PARD3B: variants seen among roughly 807,000 people sequenced by gnomAD.
PARD3B encodes partitioning defective 3 homolog B.
In PARD3B, 103 loss-of-function variants were observed where a neutral mutation model predicts 130.2. That is an observed-to-expected ratio of 0.79 (90% CI 0.67 to 0.93). The LOEUF (loss-of-function observed/expected upper bound fraction) is 0.93, where lower values mean the gene tolerates loss of function less well. Among genes scored for constraint, PARD3B ranks in the 40% least tolerant of loss-of-function variants. The pLI, the probability that PARD3B is intolerant of heterozygous loss-of-function variation, is 0.00. For synonymous variants in PARD3B, 583 were observed against 553.2 expected, an observed-to-expected ratio of 1.05 and a Z score of -0.76; for missense variants, 1,609 against 1,499.2, an observed-to-expected ratio of 1.07 and a Z score of -1.21.
intron 2 of PARD3B, among the ~76,000 whole-genome samples, chr2:204,748,494 G>C (rs7598395): frequency 0.66 from 100,525 of 151,912 alleles, 34,847 homozygotes; most frequent in East Asian, 0.86. Context: ...AGAAACGATT[G>C]TGGAATTTTT....
At chr2:204,612,049 C>T (rs754487515) in intron 1 of PARD3B, among the ~76,000 whole-genome samples, 1 of 152,194 alleles carries the variant, frequency 6.6e-6, no homozygotes, top group East Asian at 1.9e-4. Flanking sequence ...CATTTCTACA[C>T]AGATGTCATA....
chr2:205,176,869 T>C lies in PARD3B; in HGVS notation c.1924+292T>C, dbSNP rs755591455. On this transcript the variant is annotated intron_variant, in intron 13 of 22. Coordinates refer to ENST00000406610, the MANE Select transcript of PARD3B (RefSeq NM_001302769.2). The surrounding 1 kb of genome is among the most constrained non-coding windows in gnomAD (Gnocchi z 5.3). ...TGGAGAATCAAAGATGGCAAACTGT[T>C]ATTTTTAAGCTCTTCTAATACTGGA... 1.4e-4 allele frequency among the ~76,000 whole-genome samples: 21 copies of C among 152,228 alleles called. No homozygotes were observed. Among genetic ancestry groups the C allele is most frequent in the Non-Finnish European group, 2.9e-4 (20 of 68,036 alleles).
intron 15 of PARD3B, among the ~76,000 whole-genome samples, chr2:205,216,343 A>G (rs1052972282): frequency 6.6e-6 from 1 of 152,114 alleles, no homozygotes; most frequent in African/African-American, 2.4e-5. Context: ...CTCAGAACCT[A>G]TCTCAGTCAT....
At chr2:204,622,356 C>T (rs970020964) in intron 1 of PARD3B, among the ~76,000 whole-genome samples, 6 of 152,148 alleles carry the variant, frequency 3.9e-5, no homozygotes, top group Non-Finnish European at 5.9e-5. Context: ...CCAACTCCCA[C>T]GATACCCTCA....
intron 2 of PARD3B, among the ~76,000 whole-genome samples, chr2:204,774,852 T>C (rs1464612597): frequency 6.6e-6 from 1 of 152,158 alleles, no homozygotes; most frequent in East Asian, 1.9e-4. Context: ...TCTTCAGTTA[T>C]TCACACTTGG....
At chr2:205,156,339 C>G (rs960117561) in intron 10 of PARD3B, among the ~76,000 whole-genome samples, 1 of 150,944 alleles carries the variant, frequency 6.6e-6, no homozygotes, top group African/African-American at 2.4e-5. Context: ...GTGCAGCACA[C>G]CAGCATGGCA....
At chr2:205,439,522 C>T (rs2047637974) in intron 19 of PARD3B, among the ~76,000 whole-genome samples, 1 of 152,100 alleles carries the variant, frequency 6.6e-6, no homozygotes, top group South Asian at 2.1e-4. Flanking sequence ...TTAACACTTT[C>T]CAGATTAAAT....
intron 21 of PARD3B, among the ~76,000 whole-genome samples, chr2:205,545,946 C>T (rs2052361307): frequency 6.6e-6 from 1 of 152,246 alleles, no homozygotes; most frequent in Admixed American, 6.5e-5. Flanking sequence ...CAATGCCAGG[C>T]TAGAAATACA....
chr2:205,246,546 C>T (rs567347081), intron 16 of PARD3B, among the ~76,000 whole-genome samples: 101 of 152,234 alleles, frequency 6.6e-4, no homozygotes, highest in African/African-American at 2.3e-3. Context: ...TCTAGGGGCA[C>T]ATTGTTTTGG....
chr2:205,471,353 CTTTTTTTTTTT>C (rs769669913), intron 20 of PARD3B, among the ~76,000 whole-genome samples: 2 of 85,436 alleles, frequency 2.3e-5, no homozygotes, highest in Non-Finnish European at 4.7e-5. Flanking sequence ...ACTCACTTTT[CTTTTTTTTTTT>C]TTTTTTTTTT....
rs1345906762 is a variant in PARD3B, at chr2:205,078,667, T to C, written c.505-25759T>C. On this transcript the variant is annotated intron_variant, in intron 4 of 22. Coordinates refer to ENST00000406610, the MANE Select transcript of PARD3B (RefSeq NM_001302769.2). The surrounding 1 kb of genome is among the most constrained non-coding windows in gnomAD (Gnocchi z 4.0). ...AAGAGCTGAGGTCTAATGTCCTCTC[T>C]TCTTGAATCTGGACTGGCCCAGTGA... 6.6e-6 allele frequency among the ~76,000 whole-genome samples: 1 copy of C among 152,218 alleles called. No homozygotes were observed. The highest frequency in any genetic ancestry group is 1.5e-5 in the Non-Finnish European group (1 of 68,030).
At position 204,907,251 on chromosome 2, in the gene PARD3B, A is replaced by C. The variant is rs2047070666; in HGVS notation, c.223-57901A>C. Among the ~76,000 whole-genome samples, 1 of 152,128 alleles carries C rather than the reference A, an allele frequency of 6.6e-6. No homozygotes were observed. The highest frequency in any genetic ancestry group is 1.5e-5 in the Non-Finnish European group (1 of 68,026). ...CACCTCGGCCTCCCAAAGTGCTGGG[A>C]TTACCATGAAAGCTTTTATTTAGCA... is the stretch of plus-strand genomic sequence containing the variant. On this transcript the variant is annotated intron_variant, in intron 2 of 22. Transcript: ENST00000406610. The surrounding 1 kb of genome is among the most constrained non-coding windows in gnomAD (Gnocchi z 5.7).
At chr2:204,724,210 T>G (rs761506226) in intron 2 of PARD3B, among the ~76,000 whole-genome samples, 1 of 152,182 alleles carries the variant, frequency 6.6e-6, no homozygotes, top group Non-Finnish European at 1.5e-5. Flanking sequence ...AAAAGTTTCA[T>G]TGGCAATCAT....
In PARD3B at chr2:205,366,803, C is replaced by T. The variant is rs1234401937; in HGVS notation, c.2631-34210C>T. ...CACCTGGGGGCATTTTAGGTGGCCTCCAGGCCATGTGCCTTCCCACTAATA... is the reference window on the plus strand; with the variant it reads ...CACCTGGGGGCATTTTAGGTGGCCTTCAGGCCATGTGCCTTCCCACTAATA... On this transcript the variant is annotated intron_variant, in intron 18 of 22. Transcript: ENST00000406610. The surrounding 1 kb of genome is among the most constrained non-coding windows in gnomAD (Gnocchi z 5.0). 6.6e-6 allele frequency among the ~76,000 whole-genome samples: 1 copy of T among 152,182 alleles called. No homozygotes were observed. The highest frequency in any genetic ancestry group is 2.4e-5 in the African/African-American group (1 of 41,446).
chr2:204,747,331 A>G (rs957461616), intron 2 of PARD3B, among the ~76,000 whole-genome samples: 3 of 152,108 alleles, frequency 2.0e-5, no homozygotes, highest in Non-Finnish European at 2.9e-5. Flanking sequence ...CCCATTCACA[A>G]TTGCTTCAAA....
At chr2:204,980,469 G>A (rs1394982531) in intron 3 of PARD3B, among the ~76,000 whole-genome samples, 2 of 152,146 alleles carry the variant, frequency 1.3e-5, no homozygotes, top group East Asian at 1.9e-4. Context: ...GGATGAACTT[G>A]ATGACTTACT....
chr2:205,254,125 C>T (rs907351302), intron 16 of PARD3B, among the ~76,000 whole-genome samples: 1 of 142,426 alleles, frequency 7.0e-6, no homozygotes, highest in Non-Finnish European at 1.5e-5. Flanking sequence ...CTGAGATGCT[C>T]TGATTCTAGT....
intron 15 of PARD3B, among the ~76,000 whole-genome samples, chr2:205,200,626 C>T (rs2036937926): frequency 6.6e-6 from 1 of 152,188 alleles, no homozygotes; most frequent in Non-Finnish European, 1.5e-5. Context: ...TGCCAGGCAA[C>T]ATCCCAGGTA....
At chr2:204,646,601 C>T (rs2035282208) in intron 1 of PARD3B, among the ~76,000 whole-genome samples, 1 of 151,964 alleles carries the variant, frequency 6.6e-6, no homozygotes. Context: ...CTGAGACATA[C>T]CAGTGTGTAC....
Sources: gnomAD v4.1 joint callset for allele counts (sites outside exome capture counted in the v4.1 genomes callset) on GRCh38, gnomAD v4.1.1 for gene constraint, Gnocchi (gnomAD v3.1) non-coding constraint, MANE v1.5 for transcripts, NCBI Gene and HGNC (gene_info 2026-07-23, HGNC 2026-07-21) for gene names.